HDLBP: variants seen among roughly 807,000 people sequenced by gnomAD.
HDLBP encodes high density lipoprotein binding protein.
Under a neutral mutation model 137.3 loss-of-function variants are expected in HDLBP, and 30 were observed. The ratio of observed to expected loss-of-function variants is 0.22; its 90% CI spans 0.16 to 0.30. The LOEUF is 0.30. Among genes scored for constraint, HDLBP ranks in the 10% least tolerant of loss-of-function variants. The probability of loss-of-function intolerance (pLI) is 1.00; values close to 1 mark genes in which losing one functional copy is unlikely to be tolerated. For missense variants in HDLBP, 1,119 were observed against 1,667.3 expected, an observed-to-expected ratio of 0.67 and a Z score of 5.73; for synonymous variants, 606 against 596.0, an observed-to-expected ratio of 1.02 and a Z score of -0.24.
At position 241,292,229 on chromosome 2, in the gene HDLBP, C is replaced by T. The variant is rs1363611088; in HGVS notation, c.-103+23341G>A. On this transcript the variant is annotated intron_variant, in intron 1 of 27. Transcript: ENST00000310931. ...AAACAGCCTGAAACCAATTAAGCATCCTGACCTAGCTACAGGAAGTATGAG... is the reference window on the plus strand; with the variant it reads ...AAACAGCCTGAAACCAATTAAGCATTCTGACCTAGCTACAGGAAGTATGAG... Among the ~76,000 whole-genome samples, 3 of 148,850 alleles carry T rather than the reference C, an allele frequency of 2.0e-5. No homozygotes were observed. The East Asian group carries it at 6.0e-4, about 30-fold the overall frequency.
intron 3 of HDLBP, 148 bp downstream of exon 3, chr2:241,266,646 G>C: frequency 6.3e-6 from 4 of 637,316 alleles, no homozygotes; most frequent in Non-Finnish European, 8.5e-6. Flanking sequence ...ACAGCAATGC[G>C]AAAACAGTGC....
At chr2:241,250,886 C>G (rs1232233761) in intron 11 of HDLBP, 1 of 151,924 alleles carries the variant, frequency 6.6e-6, no homozygotes, top group Non-Finnish European at 1.5e-5. Context: ...GAAAACAGAA[C>G]AGACATGACT....
At position 241,240,883 on chromosome 2, in the gene HDLBP, T is replaced by C. The variant is rs1454542238; in HGVS notation, c.2170-761A>G. On this transcript the variant is annotated intron_variant, in intron 17 of 27. Coordinates refer to ENST00000310931, the MANE Select transcript of HDLBP (RefSeq NM_005336.6). This position sits in a 1 kb window ranked among gnomAD's most constrained non-coding sequence, Gnocchi z 5.5. ...CAGGTCCACACGGGGAGCTCTTGCC[T>C]TTCTCCGGACCCAAGATCTGGCCCG... Among the ~76,000 whole-genome samples the C allele has an allele frequency of 6.6e-6, 1 of 152,108 alleles. No individual in the cohort carries two copies. Among genetic ancestry groups the C allele is most frequent in the Non-Finnish European group, 1.5e-5 (1 of 68,008 alleles).
rs1454808963 is a variant in HDLBP at position 241,313,762 on chromosome 2, A to C, written c.-103+1808T>G. Among the ~76,000 whole-genome samples the C allele has an allele frequency of 2.0e-5, 3 of 152,228 alleles. No individual in the cohort carries two copies. In the East Asian group the frequency reaches 5.8e-4, roughly 29 times the overall value. Reference sequence around the variant, plus strand: ...TATTTACTCAAGAAGAAATTCTCCCACCAGGCCACTGAGAAGTTAGCTTTG... The same window carrying C: ...TATTTACTCAAGAAGAAATTCTCCCCCCAGGCCACTGAGAAGTTAGCTTTG... On this transcript the variant is annotated intron_variant, in intron 1 of 27. Coordinates refer to ENST00000310931, the MANE Select transcript of HDLBP (RefSeq NM_005336.6).
At chr2:241,273,578 T>C in intron 1 of HDLBP, 1 of 984,726 alleles carries the variant, frequency 1.0e-6, no homozygotes, top group Non-Finnish European at 1.2e-6. Flanking sequence ...CCACTGTTTC[T>C]TTTAAGGGTA....
chr2:241,313,952 A>G lies in HDLBP; in HGVS notation c.-103+1618T>C, dbSNP rs549891591. On this transcript the variant is annotated intron_variant, in intron 1 of 27. Transcript: ENST00000310931. ...ATAAGATGAGCTAAGTCCCTTCAACAGTGCTTGGCACCAAGCAAAACTAAT... is the reference window on the plus strand; with the variant it reads ...ATAAGATGAGCTAAGTCCCTTCAACGGTGCTTGGCACCAAGCAAAACTAAT... Among the ~76,000 whole-genome samples, 3 of 152,334 alleles carry G rather than the reference A, an allele frequency of 2.0e-5. No homozygotes were observed. In the South Asian group the frequency reaches 6.2e-4, roughly 32 times the overall value.
rs778678722 is a variant in HDLBP, at chr2:241,255,329, G to T, written c.1080+45C>A. The T allele has an allele frequency of 2.4e-5, 37 of 1,544,164 alleles. No individual in the cohort carries two copies. In the South Asian group the frequency reaches 4.1e-4, roughly 17 times the overall value. ...GAGAGCTCATCCATGAAGGCCCCGC[G>T]GACTCCACTCAAAGGAGACACACTT... On this transcript the variant is annotated intron_variant, in intron 8 of 27. Coordinates refer to ENST00000310931, the MANE Select transcript of HDLBP (RefSeq NM_005336.6).
intron 1 of HDLBP, among the ~76,000 whole-genome samples, chr2:241,301,161 G>C (rs1056974250): frequency 3.4e-5 from 5 of 145,484 alleles, no homozygotes; most frequent in African/African-American, 1.3e-4. Context: ...TTTTTTTTTG[G>C]TATTTTTAGT....
intron 9 of HDLBP, among the ~76,000 whole-genome samples, chr2:241,254,287 A>T (rs1392647691): frequency 6.6e-6 from 1 of 152,166 alleles, no homozygotes; most frequent in East Asian, 1.9e-4. Flanking sequence ...TAAAATAAAA[A>T]AAATTTAATT....
intron 12 of HDLBP, 62 bp from the exon 13 acceptor site, chr2:241,248,410 C>A: frequency 7.8e-7 from 1 of 1,276,844 alleles, no homozygotes. Flanking sequence ...TCCCCACTGA[C>A]ACAAGGGGAC....
chr2:241,230,113 G>T lies in HDLBP; in HGVS notation c.3591+40C>A, dbSNP rs766584360. 16 of 1,591,150 alleles carry T rather than the reference G, an allele frequency of 1.0e-5. No homozygotes were observed. In the Admixed American group the frequency reaches 2.2e-4, roughly 22 times the overall value. ...GGCTGGGCCTCAGGCCGGTGGACGTGCCAGGGCGCCTCAGGGCTCCAAGGC... is the reference window on the plus strand; with the variant it reads ...GGCTGGGCCTCAGGCCGGTGGACGTTCCAGGGCGCCTCAGGGCTCCAAGGC... On this transcript the variant is annotated intron_variant, in intron 26 of 27. Transcript: ENST00000310931. The surrounding 1 kb of genome is among the most constrained non-coding windows in gnomAD (Gnocchi z 5.0).
chr2:241,248,008 C>T lies in HDLBP; in HGVS notation c.1726G>A (p.Asp576Asn). The T allele has an allele frequency of 2.5e-6, 4 of 1,610,110 alleles. No individual in the cohort carries two copies. Among genetic ancestry groups the T allele is most frequent in the Non-Finnish European group, 3.4e-6 (4 of 1,176,266 alleles). ...CTKYMQKMVADLVENSYSISV... is the reference protein window; with the variant it reads ...CTKYMQKMVANLVENSYSISV... The stretch of plus-strand genomic sequence containing the variant: ...AGGATGTGAAACACCCCTACCAGAT[C>T]TGCCACCATCTTCTGCATGTATTTT... The change falls in exon 14 of 28, where the codon GAT becomes AAT. Residue 576 changes from aspartate to asparagine, a missense_variant. This residue lies in a region of HDLBP where 425 missense variants were observed against 693.9 expected (regional missense o/e 0.61). Transcript: ENST00000310931.
At chr2:241,248,564 A>G (rs2071863817) in intron 12 of HDLBP, among the ~76,000 whole-genome samples, 1 of 152,172 alleles carries the variant, frequency 6.6e-6, no homozygotes, top group African/African-American at 2.4e-5. Context: ...TACACTCCGC[A>G]ACATGGGCTG....
chr2:241,307,004 A>T (rs2075603792), intron 1 of HDLBP, among the ~76,000 whole-genome samples: 1 of 131,980 alleles, frequency 7.6e-6, no homozygotes, highest in Non-Finnish European at 1.6e-5. Context: ...AAAGCCCAAA[A>T]TTGAAGTGAG....
At position 241,238,261 on chromosome 2, in the gene HDLBP, G is replaced by C. The variant is rs2289794; in HGVS notation, c.2749+388C>G. The C allele has an allele frequency of 0.075, 11,817 of 156,656 alleles. 517 individuals carry two copies. Among genetic ancestry groups the C allele is most frequent in the Middle Eastern group, 0.14 (44 of 314 alleles). The allele number at this position is 156,656 out of a possible 1,614,324, so 9.7% of individuals were successfully genotyped here. ...GGCCAGCCAGAGGCTGCAGCTGCCT[G>C]CCTCACAGGGGACACCCCACAGTGA... is the stretch of plus-strand genomic sequence containing the variant. On this transcript the variant is annotated intron_variant, in intron 20 of 27. Transcript: ENST00000310931. The surrounding 1 kb of genome is among the most constrained non-coding windows in gnomAD (Gnocchi z 4.9).
intron 1 of HDLBP, among the ~76,000 whole-genome samples, chr2:241,277,613 T>C (rs1197522405): frequency 6.6e-6 from 1 of 152,220 alleles, no homozygotes; most frequent in African/African-American, 2.4e-5. Flanking sequence ...CAAACTGAGT[T>C]AGAAATATAG....
At chr2:241,291,042 G>A (rs1268046237) in intron 1 of HDLBP, among the ~76,000 whole-genome samples, 2 of 152,214 alleles carry the variant, frequency 1.3e-5, no homozygotes. Flanking sequence ...TCTGCAGGAG[G>A]GGAAGCTCTG....
At chr2:241,281,672 A>ATGT (rs2074612657) in intron 1 of HDLBP, among the ~76,000 whole-genome samples, 1 of 152,210 alleles carries the variant, frequency 6.6e-6, no homozygotes, top group Non-Finnish European at 1.5e-5. Context: ...GTTTAAAATG[A>ATGT]TATGTGCTGT....
At chr2:241,271,059 A>C (rs2074001829) in intron 1 of HDLBP, 1 of 985,342 alleles carries the variant, frequency 1.0e-6, no homozygotes, top group Non-Finnish European at 1.2e-6. Flanking sequence ...GTTATGACAA[A>C]ATCTACAACT....
Sources: gnomAD v4.1 joint callset for allele counts (sites outside exome capture counted in the v4.1 genomes callset) on GRCh38, gnomAD v4.1.1 for gene constraint, gnomAD v4.1.1 regional missense constraint, Gnocchi (gnomAD v3.1) non-coding constraint, MANE v1.5 for transcripts, NCBI Gene and HGNC (gene_info 2026-07-23, HGNC 2026-07-21) for gene names.